Variants in FNDC3B observed in about 807,000 individuals in gnomAD.
FNDC3B encodes fibronectin type III domain containing 3B.
A neutral mutation model predicts 151.5 loss-of-function variants in FNDC3B; 12 were observed. The observed-to-expected ratio is 0.08, with a 90% CI of 0.05 to 0.13. The LOEUF is 0.13. FNDC3B is among the 10% of genes least tolerant of loss of function. The pLI, the probability that FNDC3B is intolerant of heterozygous loss-of-function variation, is 1.00. For synonymous variants in FNDC3B, 528 were observed against 549.0 expected (o/e 0.96, Z 0.54); for missense variants, 1,214 against 1,505.3 (o/e 0.81, Z 3.20).
At chr3:172,324,539 C>G (rs1264568551) in intron 11 of FNDC3B, among the ~76,000 whole-genome samples, 1 of 149,258 alleles carries the variant, frequency 6.7e-6, no homozygotes, top group East Asian at 2.0e-4. Flanking sequence ...TTGGTTTGTA[C>G]TCCAAGATTT....
intron 6 of FNDC3B, among the ~76,000 whole-genome samples, chr3:172,266,318 C>G (rs1010215505): frequency 2.0e-5 from 3 of 152,124 alleles, no homozygotes; most frequent in Admixed American, 2.0e-4. Flanking sequence ...ACTAACAAAT[C>G]AGCACACACA....
chr3:172,275,365 A>G lies in FNDC3B; in HGVS notation c.791-10561A>G, dbSNP rs147180450. Among the ~76,000 whole-genome samples, 658 of 152,348 alleles carry G rather than the reference A, an allele frequency of 4.3e-3. 5 individuals carry two copies. The highest frequency in any genetic ancestry group is 0.015 in the African/African-American group (617 of 41,584). Reference sequence around the variant, plus strand: ...GATGAATGTCATGTTTTGAACAACAAGGGCAGCTCATTTGGACAACAGAAA... The same window carrying G: ...GATGAATGTCATGTTTTGAACAACAGGGGCAGCTCATTTGGACAACAGAAA... On this transcript the variant is annotated intron_variant, in intron 6 of 25. Coordinates refer to ENST00000415807, the MANE Select transcript of FNDC3B (RefSeq NM_022763.4).
intron 7 of FNDC3B, among the ~76,000 whole-genome samples, chr3:172,289,459 TG>T (rs1730205140): frequency 6.6e-6 from 1 of 152,162 alleles, no homozygotes; most frequent in Non-Finnish European, 1.5e-5. Flanking sequence ...TGGACCTCTT[TG>T]GGGACCTACC....
At chr3:172,103,849 G>T (rs1198117576) in intron 1 of FNDC3B, among the ~76,000 whole-genome samples, 1 of 152,156 alleles carries the variant, frequency 6.6e-6, no homozygotes, top group Non-Finnish European at 1.5e-5. Context: ...GCAAATTCCA[G>T]ACTGTTTGTG....
chr3:172,321,286 A>G (rs1307579237), intron 11 of FNDC3B, among the ~76,000 whole-genome samples: 1 of 152,252 alleles, frequency 6.6e-6, no homozygotes, highest in Non-Finnish European at 1.5e-5. Context: ...GGATAGCATT[A>G]TTAAAAGTCT....
intron 1 of FNDC3B, 132 bp from the exon 2 acceptor site, chr3:172,112,320 A>G: frequency 4.6e-6 from 3 of 645,306 alleles, no homozygotes; most frequent in South Asian, 3.6e-5. Flanking sequence ...GCCTGACATA[A>G]TAATACAGGG....
chr3:172,221,291 G>T (rs562742136), intron 3 of FNDC3B, among the ~76,000 whole-genome samples: 89 of 152,018 alleles, frequency 5.9e-4, no homozygotes, highest in Non-Finnish European at 1.2e-3. Context: ...TAATTGTTCT[G>T]GCTAGAACTT....
Position 172,196,053 on chromosome 3 carries a change from G to A in FNDC3B, c.188-30818G>A, listed in dbSNP as rs558300837. Among the ~76,000 whole-genome samples the A allele has an allele frequency of 2.6e-5, 4 of 152,208 alleles. No homozygotes were observed. The South Asian group carries it at 6.2e-4, about 24-fold the overall frequency. On this transcript the variant is annotated intron_variant, in intron 3 of 25. Transcript: ENST00000415807. ...TATTATAGAGGACACTTTCTGGGGA[G>A]CTGTGAGTTGTTTCTTTAAATCTGA... is the stretch of plus-strand genomic sequence containing the variant.
intron 11 of FNDC3B, among the ~76,000 whole-genome samples, chr3:172,326,024 C>T (rs558708866): frequency 2.6e-5 from 4 of 152,272 alleles, no homozygotes; most frequent in African/African-American, 9.6e-5. Flanking sequence ...CGGTGTTTCA[C>T]CATGTTGGCC....
At chr3:172,090,329 G>C (rs907211592) in intron 1 of FNDC3B, among the ~76,000 whole-genome samples, 1 of 152,082 alleles carries the variant, frequency 6.6e-6, no homozygotes, top group Non-Finnish European at 1.5e-5. Flanking sequence ...ATCACTGAGC[G>C]GGGGCAGTGA....
chr3:172,227,064 G>A, intron 4 of FNDC3B, 117 bp downstream of exon 4: 1 of 696,072 alleles, frequency 1.4e-6, no homozygotes. Flanking sequence ...GTAGTGCTAG[G>A]TTTGCCATCA....
At chr3:172,263,357 G>A (rs1438015413) in intron 6 of FNDC3B, among the ~76,000 whole-genome samples, 1 of 152,002 alleles carries the variant, frequency 6.6e-6, no homozygotes, top group Non-Finnish European at 1.5e-5. Flanking sequence ...GAGGGATGGA[G>A]AAACTGCCAT....
chr3:172,310,796 T>TTATG, intron 10 of FNDC3B, 32 bp from the exon 11 acceptor site: 1 of 1,551,430 alleles, frequency 6.4e-7, no homozygotes. Context: ...TGTGAACAAC[T>TTATG]TTCTCTAATC....
intron 1 of FNDC3B, among the ~76,000 whole-genome samples, chr3:172,105,610 T>C (rs1719606452): frequency 2.0e-5 from 3 of 146,382 alleles, no homozygotes; most frequent in Non-Finnish European, 4.4e-5. Context: ...CCCATTATTA[T>C]TGTTTTCTTA....
intron 1 of FNDC3B, among the ~76,000 whole-genome samples, chr3:172,053,792 A>AG (rs1460625458): frequency 1.3e-5 from 2 of 152,066 alleles, no homozygotes; most frequent in South Asian, 2.1e-4. Flanking sequence ...AAAAAAAAAA[A>AG]AAAATCTTCT....
intron 17 of FNDC3B, among the ~76,000 whole-genome samples, chr3:172,342,357 G>A (rs1733371474): frequency 6.6e-6 from 1 of 152,208 alleles, no homozygotes; most frequent in South Asian, 2.1e-4. Context: ...GTGGCACTGA[G>A]GCTGAACTGC....
intron 10 of FNDC3B, among the ~76,000 whole-genome samples, chr3:172,310,148 C>G (rs1056163127): frequency 1.3e-5 from 2 of 152,182 alleles, no homozygotes; most frequent in African/African-American, 4.8e-5. Context: ...TCTTGGAATC[C>G]TGAAAAGCAT....
At chr3:172,375,602 G>A (rs919718639) in intron 23 of FNDC3B, among the ~76,000 whole-genome samples, 4 of 152,128 alleles carry the variant, frequency 2.6e-5, no homozygotes, top group African/African-American at 9.7e-5. Context: ...TCTTCTCCAT[G>A]CCCCTCTCAT....
chr3:172,196,272 C>T (rs918939631), intron 3 of FNDC3B, among the ~76,000 whole-genome samples: 2 of 151,998 alleles, frequency 1.3e-5, no homozygotes, highest in South Asian at 2.1e-4. Context: ...ATTGCAGCCT[C>T]GAACTTCCAG....
Sources: allele counts gnomAD v4.1 joint callset (sites outside exome capture counted in the v4.1 genomes callset), GRCh38; gene constraint gnomAD v4.1.1; transcripts MANE v1.5; gene names NCBI Gene and HGNC (gene_info 2026-07-23, HGNC 2026-07-21).